Variants in ITGBL1 observed in about 807,000 individuals in gnomAD.
ITGBL1 encodes the protein integrin subunit beta like 1.
In ITGBL1, 51 loss-of-function variants were observed where a neutral mutation model predicts 68.5. The ratio of observed to expected loss-of-function variants is 0.74; its 90% CI spans 0.59 to 0.94. The LOEUF (loss-of-function observed/expected upper bound fraction) is 0.94, where lower values mean the gene tolerates loss of function less well. ITGBL1 is among the 40% of genes least tolerant of loss of function. The pLI, the probability that ITGBL1 is intolerant of heterozygous loss-of-function variation, is 0.00. For synonymous variants in ITGBL1, 209 were observed against 227.3 expected, an observed-to-expected ratio of 0.92 and a Z score of 0.72; for missense variants, 649 against 647.4, an observed-to-expected ratio of 1.00 and a Z score of -0.03.
At chr13:101,569,104 C>A (rs1385330657) in intron 3 of ITGBL1, among the ~76,000 whole-genome samples, 2 of 148,104 alleles carry the variant, frequency 1.4e-5, no homozygotes, top group African/African-American at 5.0e-5. Context: ...ACCCACCCCT[C>A]CATACACACA....
At chr13:101,593,602 C>T (rs531190839) in intron 6 of ITGBL1, among the ~76,000 whole-genome samples, 1 of 152,076 alleles carries the variant, frequency 6.6e-6, no homozygotes, top group Admixed American at 6.5e-5. Context: ...GAAAGAAATC[C>T]TGTCATTTGC....
At chr13:101,566,564 A>C (rs1229744843) in intron 2 of ITGBL1, among the ~76,000 whole-genome samples, 1 of 152,198 alleles carries the variant, frequency 6.6e-6, no homozygotes, top group Non-Finnish European at 1.5e-5. Flanking sequence ...CATAAAGAGC[A>C]GTTTTAAAGT....
intron 6 of ITGBL1, among the ~76,000 whole-genome samples, chr13:101,587,405 C>T (rs367561140): frequency 6.6e-6 from 1 of 152,132 alleles, no homozygotes; most frequent in Admixed American, 6.5e-5. Flanking sequence ...ATACACGCAC[C>T]CCTCAAAGAC....
At chr13:101,544,997 T>A (rs1260716341) in intron 2 of ITGBL1, among the ~76,000 whole-genome samples, 1 of 152,218 alleles carries the variant, frequency 6.6e-6, no homozygotes, top group Admixed American at 6.5e-5. Flanking sequence ...CCCTTGTGCT[T>A]CCCGGGTGAG....
At chr13:101,526,040 G>A (rs1393438979) in intron 2 of ITGBL1, among the ~76,000 whole-genome samples, 1 of 151,646 alleles carries the variant, frequency 6.6e-6, no homozygotes, top group Non-Finnish European at 1.5e-5. Flanking sequence ...ACATCAAGAA[G>A]TCTGTTTCAC....
chr13:101,580,819 T>C (rs1404947108), intron 5 of ITGBL1, among the ~76,000 whole-genome samples: 4 of 152,154 alleles, frequency 2.6e-5, no homozygotes, highest in South Asian at 4.1e-4. Flanking sequence ...CAGAGTTACA[T>C]TGGCTGTGAG....
At chr13:101,607,763 T>G (rs929078205) in intron 7 of ITGBL1, among the ~76,000 whole-genome samples, 16 of 152,102 alleles carry the variant, frequency 1.1e-4, no homozygotes, top group African/African-American at 3.4e-4. Context: ...TTAGCTCTTC[T>G]CAATGTATAT....
intron 2 of ITGBL1, among the ~76,000 whole-genome samples, chr13:101,471,898 A>G (rs1277784276): frequency 2.0e-5 from 3 of 152,234 alleles, no homozygotes; most frequent in Non-Finnish European, 4.4e-5. Flanking sequence ...AGGATTTAGA[A>G]GGGATATTCA....
At chr13:101,547,019 T>C (rs1018429522) in intron 2 of ITGBL1, among the ~76,000 whole-genome samples, 2 of 151,952 alleles carry the variant, frequency 1.3e-5, no homozygotes, top group East Asian at 1.9e-4. Flanking sequence ...TAAAATCCTA[T>C]TGATTACTAA....
At chr13:101,687,559 C>T (rs766754229) in intron 7 of ITGBL1, among the ~76,000 whole-genome samples, 20 of 151,876 alleles carry the variant, frequency 1.3e-4, no homozygotes, top group Non-Finnish European at 2.8e-4. Flanking sequence ...CTATTTTGAT[C>T]GGAACTTCTA....
chr13:101,580,341 A>G (rs1443548218), intron 5 of ITGBL1, among the ~76,000 whole-genome samples: 1 of 152,186 alleles, frequency 6.6e-6, no homozygotes, highest in African/African-American at 2.4e-5. Context: ...TAGAGAAAAT[A>G]AATAAAAAGG....
At chr13:101,643,209 T>C in intron 7 of ITGBL1, among the ~76,000 whole-genome samples, 1 of 151,236 alleles carries the variant, frequency 6.6e-6, no homozygotes, top group African/African-American at 2.4e-5. Context: ...TGGAATGTTC[T>C]TCCATTTGTT....
At chr13:101,517,773 A>T (rs779876002) in intron 2 of ITGBL1, among the ~76,000 whole-genome samples, 44 of 152,164 alleles carry the variant, frequency 2.9e-4, no homozygotes, top group Admixed American at 1.3e-4. Flanking sequence ...TTTCCATGAG[A>T]ATGCAAGTGA....
At chr13:101,720,530 C>CTG (rs56200654), downstream of ITGBL1, 8,196 of 147,574 alleles carry the variant, frequency 0.056, 310 homozygotes, top group Admixed American at 0.12. Flanking sequence ...GGTGTTTGCT[C>CTG]TGTGTGTGTG....
chr13:101,514,385 C>A (rs965559459), intron 2 of ITGBL1, among the ~76,000 whole-genome samples: 7 of 152,056 alleles, frequency 4.6e-5, no homozygotes, highest in Non-Finnish European at 1.0e-4. Flanking sequence ...AAAAACTAAT[C>A]ACTTTAGAAG....
chr13:101,695,116 G>A (rs966702827), intron 8 of ITGBL1, among the ~76,000 whole-genome samples: 6 of 152,128 alleles, frequency 3.9e-5, no homozygotes, highest in African/African-American at 7.2e-5. Flanking sequence ...TATACATAAC[G>A]GGGATTTAAC....
chr13:101,570,160 T>C (rs1399456982), intron 3 of ITGBL1, among the ~76,000 whole-genome samples: 6 of 152,180 alleles, frequency 3.9e-5, no homozygotes, highest in African/African-American at 1.4e-4. Context: ...TAGTGACTTA[T>C]TATCAGTCTA....
chr13:101,649,271 A>G (rs1254986169), intron 7 of ITGBL1, among the ~76,000 whole-genome samples: 1 of 152,200 alleles, frequency 6.6e-6, no homozygotes, highest in Non-Finnish European at 1.5e-5. Context: ...CTGAGAAATT[A>G]TTCAAAACAC....
intron 7 of ITGBL1, among the ~76,000 whole-genome samples, chr13:101,663,202 G>GA (rs2033131543): frequency 1.3e-5 from 2 of 151,978 alleles, no homozygotes; most frequent in South Asian, 4.1e-4. Context: ...ATGTCTTTGG[G>GA]AAAAAATGCA....
Sources: allele counts gnomAD v4.1 joint callset (sites outside exome capture counted in the v4.1 genomes callset), GRCh38; gene constraint gnomAD v4.1.1; transcripts MANE v1.5; gene names NCBI Gene and HGNC (gene_info 2026-07-23, HGNC 2026-07-21).